CDC42EP3: variants seen among roughly 807,000 people sequenced by gnomAD.
The protein encoded by CDC42EP3 is CDC42 effector protein 3, also known as CDC42 effector protein (Rho GTPase binding) 3.
In CDC42EP3, 4 loss-of-function variants were observed where a neutral mutation model predicts 15.5. The observed-to-expected ratio is 0.26, with a 90% confidence interval of 0.13 to 0.59. The LOEUF (loss-of-function observed/expected upper bound fraction) is 0.59. Ranked by LOEUF, CDC42EP3 falls within the 20% of genes least tolerant of loss-of-function variation. The pLI, the probability that CDC42EP3 is intolerant of heterozygous loss-of-function variation, is 0.89. For synonymous variants in CDC42EP3, 145 were observed against 130.3 expected (o/e 1.11, Z -0.77); for missense variants, 309 against 311.2 (o/e 0.99, Z 0.05).
intron 1 of CDC42EP3, among the ~76,000 whole-genome samples, chr2:37,649,284 C>G (rs1353642730): frequency 6.6e-6 from 1 of 151,352 alleles, no homozygotes; most frequent in African/African-American, 2.4e-5. Context: ...GACCTCATCT[C>G]TACAAAAACT....
intron 1 of CDC42EP3, among the ~76,000 whole-genome samples, chr2:37,656,121 C>T (rs1191866355): frequency 6.6e-6 from 1 of 152,234 alleles, no homozygotes; most frequent in Non-Finnish European, 1.5e-5. Flanking sequence ...GGGCTGTCTA[C>T]AATAATCCAC....
intron 1 of CDC42EP3, among the ~76,000 whole-genome samples, chr2:37,651,167 T>C (rs760899693): frequency 3.3e-5 from 5 of 152,210 alleles, no homozygotes; most frequent in African/African-American, 9.6e-5. Flanking sequence ...TGTATTTATA[T>C]TTGTACTGGC....
At chr2:37,671,788 GC>G (rs1327102953), upstream of CDC42EP3, 2 of 137,920 alleles carry the variant, frequency 1.5e-5, no homozygotes, top group African/African-American at 2.7e-5. Flanking sequence ...CTGTGCCCTG[GC>G]CCGGGGCCAA....
At chr2:37,667,966 C>T (rs114375906) in intron 1 of CDC42EP3, among the ~76,000 whole-genome samples, 2 of 152,216 alleles carry the variant, frequency 1.3e-5, no homozygotes, top group African/African-American at 2.4e-5. Context: ...TTATCCTCCA[C>T]GGATATGTTC....
At chr2:37,660,614 T>C (rs1184523776) in intron 1 of CDC42EP3, among the ~76,000 whole-genome samples, 1 of 152,208 alleles carries the variant, frequency 6.6e-6, no homozygotes, top group African/African-American at 2.4e-5. Context: ...CTTTATCTTA[T>C]GGATGATTTT....
intron 1 of CDC42EP3, among the ~76,000 whole-genome samples, chr2:37,647,180 G>C (rs977128796): frequency 1.3e-5 from 2 of 152,154 alleles, no homozygotes; most frequent in Non-Finnish European, 2.9e-5. Flanking sequence ...CTTTTGCTTT[G>C]ATGTGCATAC....
At chr2:37,650,968 C>G (rs928678993) in intron 1 of CDC42EP3, among the ~76,000 whole-genome samples, 7 of 152,184 alleles carry the variant, frequency 4.6e-5, no homozygotes, top group Admixed American at 1.3e-4. Context: ...CAAACCAGCA[C>G]AGTTTATAAC....
Position 37,649,095 on chromosome 2 carries a change from C to T in CDC42EP3, c.-235-2273G>A, listed in dbSNP as rs142181455. Among the ~76,000 whole-genome samples the T allele has an allele frequency of 4.8e-3, 709 of 149,104 alleles. 4 individuals carry two copies. Among genetic ancestry groups the T allele is most frequent in the African/African-American group, 0.016 (640 of 40,508 alleles). The stretch of plus-strand genomic sequence containing the variant: ...ATTATTTAAAAAAAAAAAAAAAAAT[C>T]GATCACTTAAGGCCTGGAGTTTGAG... On this transcript the variant is annotated intron_variant, in intron 1 of 1. Transcript: ENST00000295324.
chr2:37,669,773 C>A (rs1418931033), intron 1 of CDC42EP3, among the ~76,000 whole-genome samples: 1 of 152,192 alleles, frequency 6.6e-6, no homozygotes, highest in Non-Finnish European at 1.5e-5. Flanking sequence ...CTGTTTTATT[C>A]AAATGGGTGA....
Position 37,642,590 on chromosome 2 carries a change from T to C in CDC42EP3, c.*3233A>G, listed in dbSNP as rs1268950224. 1 of 152,258 alleles carries C rather than the reference T, an allele frequency of 6.6e-6. No homozygotes were observed. Among genetic ancestry groups the C allele is most frequent in the Non-Finnish European group, 1.5e-5 (1 of 68,046 alleles). 9.4% of individuals were successfully genotyped at this position (152,258 alleles called of 1,614,324 possible). A position where few individuals can be genotyped will look rare whatever the true frequency, so the allele number is the denominator to read the frequency against. On this transcript the variant is annotated 3_prime_UTR_variant, in exon 2 of 2. Coordinates refer to ENST00000295324, the MANE Select transcript of CDC42EP3 (RefSeq NM_006449.5). ...GAGAAACCATCATGTTGGCTCATTC[T>C]ATTGTGTTTATATATTTCACAGTAA...
At chr2:37,661,930 A>C (rs1666068487) in intron 1 of CDC42EP3, among the ~76,000 whole-genome samples, 1 of 152,142 alleles carries the variant, frequency 6.6e-6, no homozygotes, top group African/African-American at 2.4e-5. Context: ...TAGGAGGAAG[A>C]TTCATGCTCT....
intron 1 of CDC42EP3, among the ~76,000 whole-genome samples, chr2:37,657,102 A>G (rs1021745161): frequency 2.7e-5 from 4 of 150,854 alleles, no homozygotes; most frequent in Non-Finnish European, 5.9e-5. Context: ...TGCGACAGTG[A>G]ACAATCACAG....
chr2:37,649,762 A>G (rs1256069022), intron 1 of CDC42EP3, among the ~76,000 whole-genome samples: 2 of 152,126 alleles, frequency 1.3e-5, no homozygotes, highest in Non-Finnish European at 2.9e-5. Context: ...AGGCTCACTC[A>G]TCCTGCTTGA....
intron 1 of CDC42EP3, among the ~76,000 whole-genome samples, chr2:37,660,719 A>G (rs1666031212): frequency 6.6e-6 from 1 of 152,164 alleles, no homozygotes; most frequent in Non-Finnish European, 1.5e-5. Context: ...GGAAAAAGGA[A>G]GCTGAGACCA....
In CDC42EP3 at chr2:37,645,705, A is replaced by G; in HGVS notation, c.*118T>C. 1.2e-6 allele frequency: 1 copy of G among 801,354 alleles called. No homozygotes were observed. The highest frequency in any genetic ancestry group is 1.9e-6 in the Non-Finnish European group (1 of 525,364). 49.6% of individuals were successfully genotyped at this position (801,354 alleles called of 1,614,324 possible). The stretch of plus-strand genomic sequence containing the variant: ...ACAGGTAAAAAAATACTTTGTAAGA[A>G]TATTATTTTAGAAAACCCAACACAA... On this transcript the variant is annotated 3_prime_UTR_variant, in exon 2 of 2. Coordinates refer to ENST00000295324, the MANE Select transcript of CDC42EP3 (RefSeq NM_006449.5).
At chr2:37,646,898 C>G (rs1665500250) in intron 1 of CDC42EP3, 76 bp from the exon 2 acceptor site, 1 of 207,622 alleles carries the variant, frequency 4.8e-6, no homozygotes, top group Non-Finnish European at 1.0e-5. Context: ...TCACAAGAGC[C>G]TGTAAATAAT....
chr2:37,655,767 C>G (rs564824266), intron 1 of CDC42EP3, among the ~76,000 whole-genome samples: 3 of 152,296 alleles, frequency 2.0e-5, no homozygotes, highest in African/African-American at 7.2e-5. Context: ...AGGACAATAT[C>G]AATACAGGAA....
chr2:37,660,589 C>G (rs1666026099), intron 1 of CDC42EP3, among the ~76,000 whole-genome samples: 1 of 152,086 alleles, frequency 6.6e-6, no homozygotes, highest in Non-Finnish European at 1.5e-5. Flanking sequence ...CCTAAATTCT[C>G]TGTTGACCCA....
chr2:37,668,741 C>T (rs1020368805), intron 1 of CDC42EP3, among the ~76,000 whole-genome samples: 2 of 152,198 alleles, frequency 1.3e-5, no homozygotes, highest in African/African-American at 4.8e-5. Context: ...GGGGATACAA[C>T]GGTTCTTTCA....
Sources: gnomAD v4.1 joint callset for allele counts (sites outside exome capture counted in the v4.1 genomes callset) on GRCh38, gnomAD v4.1.1 for gene constraint, MANE v1.5 for transcripts, NCBI Gene and HGNC (gene_info 2026-07-23, HGNC 2026-07-21) for gene names.